PFKFB4: variants seen among roughly 807,000 people sequenced by gnomAD.
The protein encoded by PFKFB4 is 6-phosphofructo-2-kinase/fructose-2,6-bisphosphatase 4.
Under a neutral mutation model 62.8 loss-of-function variants are expected in PFKFB4, and 42 were observed. The ratio of observed to expected loss-of-function variants is 0.67; its 90% confidence interval spans 0.52 to 0.86. PFKFB4 has a LOEUF of 0.86. Ranked by LOEUF, PFKFB4 falls within the 40% of genes least tolerant of loss-of-function variation. PFKFB4 has a pLI of 0.00. For synonymous variants in PFKFB4, 204 were observed against 240.7 expected (o/e 0.85, Z 1.41); for missense variants, 475 against 627.2 (o/e 0.76, Z 2.59).
intron 3 of PFKFB4, among the ~76,000 whole-genome samples, chr3:48,543,943 C>T (rs2042879802): frequency 6.6e-6 from 1 of 152,182 alleles, no homozygotes. Flanking sequence ...CATTGTGCCA[C>T]ATTCATGATT....
chr3:48,534,181 A>T (rs1185543794), intron 9 of PFKFB4, among the ~76,000 whole-genome samples: 1 of 150,836 alleles, frequency 6.6e-6, no homozygotes, highest in Non-Finnish European at 1.5e-5. Context: ...GCTCGGAAGG[A>T]AAAAAAGACA....
At chr3:48,525,523 C>A (rs765274763) in intron 10 of PFKFB4, 42 bp downstream of exon 10, 2 of 1,071,476 alleles carry the variant, frequency 1.9e-6, no homozygotes, top group Non-Finnish European at 2.7e-6. Flanking sequence ...TACTCCCAGG[C>A]GGGCAGTAGG....
At chr3:48,563,044 G>A, upstream of PFKFB4, 1 of 1,612,096 alleles carries the variant, frequency 6.2e-7, no homozygotes, top group Non-Finnish European at 8.5e-7. This position sits in a 1 kb window ranked among gnomAD's most constrained non-coding sequence, Gnocchi z 4.5. Context: ...GGAGCTGGAA[G>A]GTTGGGATAG....
chr3:48,562,631 G>C, upstream of PFKFB4: 2 of 699,704 alleles, frequency 2.9e-6, no homozygotes, highest in Non-Finnish European at 4.7e-6. This position sits in a 1 kb window ranked among gnomAD's most constrained non-coding sequence, Gnocchi z 4.3. Context: ...GCATGACAGT[G>C]GCTCCATGTG....
At chr3:48,554,680 C>T (rs978005025) in intron 1 of PFKFB4, among the ~76,000 whole-genome samples, 2 of 152,178 alleles carry the variant, frequency 1.3e-5, no homozygotes, top group Non-Finnish European at 2.9e-5. Flanking sequence ...CTGACTCAGA[C>T]GTAGTGAGAA....
rs2043338305 is a variant in PFKFB4, at chr3:48,556,789, G to T, written c.-12C>A. On this transcript the variant is annotated 5_prime_UTR_variant, in exon 1 of 14. Transcript: ENST00000232375. The surrounding 1 kb of genome is among the most constrained non-coding windows in gnomAD (Gnocchi z 5.7). ...CGTGGGGACGCCATCCCGGGGCCGGGATGAGTCGGACTGCGCCGCTTCCAA... is the reference window on the plus strand; with the variant it reads ...CGTGGGGACGCCATCCCGGGGCCGGTATGAGTCGGACTGCGCCGCTTCCAA... 3.8e-6 allele frequency: 6 copies of T among 1,598,676 alleles called. No individual in the cohort carries two copies. Among genetic ancestry groups the T allele is most frequent in the Admixed American group, 3.5e-5 (2 of 57,846 alleles).
chr3:48,557,870 A>G (rs754962698), upstream of PFKFB4, among the ~76,000 whole-genome samples: 7 of 152,006 alleles, frequency 4.6e-5, no homozygotes, highest in Non-Finnish European at 5.9e-5. Context: ...TACTTTGGGT[A>G]CTCACTAAGC....
intron 1 of PFKFB4, among the ~76,000 whole-genome samples, chr3:48,554,976 GGAGGTAGA>G: frequency 6.7e-6 from 1 of 149,664 alleles, no homozygotes; most frequent in South Asian, 2.1e-4. Flanking sequence ...CTTGAACCCA[GGAGGTAGA>G]GGTTGCAGTG....
At chr3:48,561,073 C>G (rs1275121796), upstream of PFKFB4, 1 of 1,283,962 alleles carries the variant, frequency 7.8e-7, no homozygotes, top group Admixed American at 2.3e-5. The surrounding 1 kb of genome is among the most constrained non-coding windows in gnomAD (Gnocchi z 5.2). Context: ...CTCCCCGGCC[C>G]CAGGTCGGTC....
intron 1 of PFKFB4, among the ~76,000 whole-genome samples, chr3:48,554,222 C>G: frequency 6.6e-6 from 1 of 152,216 alleles, no homozygotes; most frequent in Non-Finnish European, 1.5e-5. Flanking sequence ...CCGCTTCCAT[C>G]CCCACCCACA....
intron 3 of PFKFB4, among the ~76,000 whole-genome samples, chr3:48,546,813 T>C (rs1246357906): frequency 6.6e-6 from 1 of 152,220 alleles, no homozygotes; most frequent in Non-Finnish European, 1.5e-5. Flanking sequence ...GGTGCCTATA[T>C]GACCAGCCCC....
Position 48,521,859 on chromosome 3 carries a change from A to T in PFKFB4, c.1350+127T>A. The T allele has an allele frequency of 1.2e-6, 1 of 817,980 alleles. No homozygotes were observed. The allele number at this position is 817,980 out of a possible 1,614,324, so 50.7% of individuals were successfully genotyped here. A position where few individuals can be genotyped will look rare whatever the true frequency, so the allele number is the denominator to read the frequency against. ...GGCCCCGCCCTGCTGATGGGACAACAGTCTTGGCAGAAGACTCAAGCTCCC... is the reference window on the plus strand; with the variant it reads ...GGCCCCGCCCTGCTGATGGGACAACTGTCTTGGCAGAAGACTCAAGCTCCC... On this transcript the variant is annotated intron_variant, in intron 13 of 13. Coordinates refer to ENST00000232375, the MANE Select transcript of PFKFB4 (RefSeq NM_004567.4). This position sits in a 1 kb window ranked among gnomAD's most constrained non-coding sequence, Gnocchi z 5.3.
chr3:48,524,008 C>A (rs1354154904), intron 10 of PFKFB4, among the ~76,000 whole-genome samples, 178 bp from the exon 11 acceptor site: 1 of 152,260 alleles, frequency 6.6e-6, no homozygotes, highest in South Asian at 2.1e-4. Flanking sequence ...AGGAAAGGGG[C>A]CACCTTTCCC....
intron 1 of PFKFB4, among the ~76,000 whole-genome samples, chr3:48,555,510 G>T (rs1312172521): frequency 6.6e-6 from 1 of 152,214 alleles, no homozygotes; most frequent in Non-Finnish European, 1.5e-5. Context: ...CCATTTCACT[G>T]TCTGTTAAAC....
chr3:48,555,871 T>G (rs1481739569), intron 1 of PFKFB4, among the ~76,000 whole-genome samples: 2 of 152,094 alleles, frequency 1.3e-5, no homozygotes, highest in Non-Finnish European at 2.9e-5. Context: ...GCCACTGCAC[T>G]TGCTCCAGCT....
At chr3:48,520,023 G>A (rs575695054) in intron 13 of PFKFB4, among the ~76,000 whole-genome samples, 6 of 152,294 alleles carry the variant, frequency 3.9e-5, no homozygotes, top group African/African-American at 1.2e-4. Flanking sequence ...GTGCGGTGGA[G>A]GATGCCACCT....
intron 3 of PFKFB4, among the ~76,000 whole-genome samples, chr3:48,546,515 CAT>C (rs1197924514): frequency 6.6e-6 from 1 of 152,082 alleles, no homozygotes; most frequent in Non-Finnish European, 1.5e-5. Context: ...CTGAGGTATG[CAT>C]ATGTGTGTGC....
rs1375757497 is a variant in PFKFB4 at position 48,518,331 on chromosome 3, G to A, written c.*1416C>T. On this transcript the variant is annotated 3_prime_UTR_variant, in exon 14 of 14. Coordinates refer to ENST00000232375, the MANE Select transcript of PFKFB4 (RefSeq NM_004567.4). ...ACAGGTGGCATCTGCAGGCTGCAAA[G>A]CCCTGGGAGGCTGGAAAGATGTGCT... 2 of 152,428 alleles carry A rather than the reference G, an allele frequency of 1.3e-5. No homozygotes were observed. The highest frequency in any genetic ancestry group is 2.9e-5 in the Non-Finnish European group (2 of 68,196). The allele number at this position is 152,428 out of a possible 1,614,324, so 9.4% of individuals were successfully genotyped here.
At chr3:48,549,301 A>G (rs1033501372) in intron 3 of PFKFB4, among the ~76,000 whole-genome samples, 2 of 152,156 alleles carry the variant, frequency 1.3e-5, no homozygotes, top group Admixed American at 1.3e-4. Flanking sequence ...TGCAAAGCCA[A>G]TCGCACCAGC....
Sources: gnomAD v4.1 joint callset for allele counts (sites outside exome capture counted in the v4.1 genomes callset) on GRCh38, gnomAD v4.1.1 for gene constraint, Gnocchi (gnomAD v3.1) non-coding constraint, MANE v1.5 for transcripts, NCBI Gene and HGNC (gene_info 2026-07-23, HGNC 2026-07-21) for gene names.